RARB: variants seen among roughly 807,000 people sequenced by gnomAD.
The protein encoded by RARB is HBV-activated protein.
In RARB, 17 loss-of-function variants were observed where a neutral mutation model predicts 51.9. The ratio of observed to expected loss-of-function variants is 0.33; its 90% CI spans 0.22 to 0.49. The LOEUF (loss-of-function observed/expected upper bound fraction) is 0.49. RARB is among the 20% of genes least tolerant of loss of function. RARB has a pLI of 0.99. For synonymous variants in RARB, 215 were observed against 195.4 expected (o/e 1.10, Z -0.84); for missense variants, 369 against 550.8 (o/e 0.67, Z 3.30).
intron 5 of RARB, among the ~76,000 whole-genome samples, chr3:25,207,909 G>C (rs1280222505): frequency 1.3e-5 from 2 of 152,224 alleles, no homozygotes; most frequent in East Asian, 3.9e-4. Flanking sequence ...GTACAAGCGT[G>C]GTGCTGGCAT....
chr3:24,877,345 A>ATTTTT (rs1559379782), intron 2 of RARB, among the ~76,000 whole-genome samples: 2 of 17,764 alleles, frequency 1.1e-4, no homozygotes, highest in African/African-American at 2.9e-4. Flanking sequence ...AAGCAATCTT[A>ATTTTT]CTTTTTTTTT....
chr3:24,914,378 G>T (rs1410519679), intron 2 of RARB, among the ~76,000 whole-genome samples: 1 of 152,154 alleles, frequency 6.6e-6, no homozygotes, highest in African/African-American at 2.4e-5. Flanking sequence ...AATATTGGGG[G>T]CAGGGTAAGA....
intron 2 of RARB, among the ~76,000 whole-genome samples, chr3:24,891,956 A>T (rs1462292699): frequency 1.3e-5 from 2 of 152,078 alleles, no homozygotes; most frequent in Non-Finnish European, 2.9e-5. Flanking sequence ...AGTGGTTGAG[A>T]ATTTACCAAA....
intron 3 of RARB, among the ~76,000 whole-genome samples, chr3:25,548,326 G>A (rs549554410): frequency 6.6e-6 from 1 of 152,196 alleles, no homozygotes; most frequent in South Asian, 2.1e-4. Flanking sequence ...TTGATTATCA[G>A]TCTTACAAAT....
intron 2 of RARB, among the ~76,000 whole-genome samples, chr3:25,467,259 C>CA (rs2125563106): frequency 6.6e-6 from 1 of 152,356 alleles, no homozygotes; most frequent in East Asian, 1.9e-4. Context: ...TTCTGCTTAA[C>CA]AAATAACTCA....
intron 5 of RARB, among the ~76,000 whole-genome samples, chr3:25,180,403 G>C (rs574244989): frequency 7.9e-5 from 12 of 152,324 alleles, no homozygotes; most frequent in African/African-American, 2.9e-4. Flanking sequence ...CAATGGCTTT[G>C]AGTTGGCTGA....
chr3:25,288,014 A>T (rs1382316566), intron 5 of RARB, among the ~76,000 whole-genome samples: 1 of 152,138 alleles, frequency 6.6e-6, no homozygotes, highest in East Asian at 1.9e-4. Context: ...GTAGATTTTT[A>T]AAAATAAAGT....
chr3:24,986,794 C>T (rs765313193), intron 2 of RARB, among the ~76,000 whole-genome samples: 5 of 152,124 alleles, frequency 3.3e-5, no homozygotes, highest in Non-Finnish European at 5.9e-5. Flanking sequence ...ACATCGCAGC[C>T]TTCACCCTGT....
chr3:25,205,746 C>CT (rs35271565), intron 5 of RARB, among the ~76,000 whole-genome samples: 75 of 147,520 alleles, frequency 5.1e-4, no homozygotes, highest in South Asian at 8.5e-4. Context: ...TATTAAAAAC[C>CT]TTTTTTTTTT....
At chr3:24,912,975 C>CTTTTTTTTTTTTT (rs386396163) in intron 2 of RARB, among the ~76,000 whole-genome samples, 8 of 75,046 alleles carry the variant, frequency 1.1e-4, no homozygotes, top group African/African-American at 1.3e-4. Flanking sequence ...GGTACTGATT[C>CTTTTTTTTTTTTT]TTTTTTTTTT....
At chr3:25,188,227 T>C (rs1472462293) in intron 5 of RARB, among the ~76,000 whole-genome samples, 2 of 152,122 alleles carry the variant, frequency 1.3e-5, no homozygotes, top group Non-Finnish European at 2.9e-5. Flanking sequence ...TTATCTTTAT[T>C]CAGGGACCAT....
In RARB at chr3:24,935,009, A is replaced by G. The variant is rs150999663; in HGVS notation, c.-380+76257A>G. On this transcript the variant is annotated intron_variant, in intron 2 of 11. Coordinates refer to the RARB transcript ENST00000383772. ...TGTTTAACGAACCCTATCATGTGGT[A>G]CTATAATATTGGTTTACATCCCTTT... Among the ~76,000 whole-genome samples the G allele has an allele frequency of 8.4e-3, 1,280 of 152,278 alleles. 78 individuals are homozygous for G. The highest frequency in any genetic ancestry group is 0.077 in the Admixed American group (1,179 of 15,270).
chr3:25,060,398 A>G (rs1283450123), intron 3 of RARB, among the ~76,000 whole-genome samples: 1 of 151,758 alleles, frequency 6.6e-6, no homozygotes, highest in Non-Finnish European at 1.5e-5. Context: ...AGAATGTCTT[A>G]TTTTCTCTCT....
chr3:25,145,664 A>G (rs1700176462), intron 4 of RARB, among the ~76,000 whole-genome samples: 1 of 152,174 alleles, frequency 6.6e-6, no homozygotes, highest in African/African-American at 2.4e-5. Context: ...CTCCTGACTT[A>G]TTACTAGCTA....
chr3:25,201,317 A>C (rs1701383994), intron 5 of RARB, among the ~76,000 whole-genome samples: 1 of 152,178 alleles, frequency 6.6e-6, no homozygotes, highest in Admixed American at 6.5e-5. Context: ...TTATCAGCTT[A>C]AGGCGATTTT....
intron 4 of RARB, 135 bp from the exon 5 acceptor site, chr3:25,580,411 A>T (rs1424018462): frequency 1.1e-5 from 9 of 785,796 alleles, no homozygotes; most frequent in Non-Finnish European, 3.9e-6. Context: ...GCTAAAAAAA[A>T]TGTAGCTGTC....
intron 2 of RARB, among the ~76,000 whole-genome samples, chr3:24,887,552 C>T (rs1389222488): frequency 2.0e-5 from 3 of 152,138 alleles, no homozygotes; most frequent in African/African-American, 7.2e-5. Flanking sequence ...AAATACTTAA[C>T]TAAGAGACAT....
In RARB at chr3:25,474,422, A is replaced by C. The variant is rs537865259; in HGVS notation, c.306+13081A>C. On this transcript the variant is annotated intron_variant, in intron 2 of 7. Transcript: ENST00000330688. ...AATTTATATGTGTCATTCCTCATTA[A>C]CATAAATAAATTCAGAATAATAGCA... Among the ~76,000 whole-genome samples, 25 of 152,330 alleles carry C rather than the reference A, an allele frequency of 1.6e-4. No homozygotes were observed. In the South Asian group the frequency reaches 5.2e-3, roughly 32 times the overall value.
Position 25,428,746 on chromosome 3 carries a change from G to T in RARB, c.15G>T (p.Met5Ile). The T allele has an allele frequency of 6.2e-7, 1 of 1,614,048 alleles. No homozygotes were observed. The highest frequency in any genetic ancestry group is 8.5e-7 in the Non-Finnish European group (1 of 1,179,950). MFDC[M>I]DVLSVSPGQI... Reference sequence around the variant, plus strand: ...CAAGGGAGATCATGTTTGACTGTATGGATGTTCTGTCAGTGAGTCCTGGGC... The same window carrying T: ...CAAGGGAGATCATGTTTGACTGTATTGATGTTCTGTCAGTGAGTCCTGGGC... The change falls in exon 1 of 8, where the codon ATG (methionine) becomes ATT (isoleucine). Residue 5 changes from methionine to isoleucine, a missense_variant. Physicochemically the swap from Met to Ile is conservative, Grantham distance 10 (BLOSUM62 1). This residue lies in a region of RARB where 99 missense variants were observed against 95.1 expected (regional missense o/e 1.04). Coordinates refer to ENST00000330688, the MANE Select transcript of RARB (RefSeq NM_000965.5).
Sources: allele counts gnomAD v4.1 joint callset (sites outside exome capture counted in the v4.1 genomes callset), GRCh38; gene constraint gnomAD v4.1.1; regional missense constraint gnomAD v4.1.1; transcripts MANE v1.5; gene names NCBI Gene and HGNC (gene_info 2026-07-23, HGNC 2026-07-21).